Variants in CDH12 observed in about 807,000 individuals in gnomAD.
CDH12 encodes the protein cadherin-12.
A neutral mutation model predicts 74.1 loss-of-function variants in CDH12; 41 were observed. That is an observed-to-expected ratio of 0.55 (90% CI 0.43 to 0.72). The LOEUF (loss-of-function observed/expected upper bound fraction) is 0.72, where lower values mean the gene tolerates loss of function less well. CDH12 is among the 30% of genes least tolerant of loss of function. The pLI, the probability that CDH12 is intolerant of heterozygous loss-of-function variation, is 0.00. For missense variants in CDH12, 945 were observed against 977.2 expected (o/e 0.97, Z 0.44); for synonymous variants, 399 against 355.0 (o/e 1.12, Z -1.39).
chr5:22,006,059 T>A (rs1159797809), intron 5 of CDH12, among the ~76,000 whole-genome samples: 1 of 152,214 alleles, frequency 6.6e-6, no homozygotes, highest in African/African-American at 2.4e-5. Context: ...TTCTGAGGCA[T>A]CCCACTGACC....
At chr5:22,422,653 T>C (rs1055728141) in intron 2 of CDH12, among the ~76,000 whole-genome samples, 2 of 152,118 alleles carry the variant, frequency 1.3e-5, no homozygotes, top group South Asian at 2.1e-4. Flanking sequence ...GGCAAGCTTG[T>C]GATGGTGGGA....
intron 1 of CDH12, among the ~76,000 whole-genome samples, chr5:22,551,310 T>G (rs780871998): frequency 3.9e-5 from 6 of 152,180 alleles, no homozygotes; most frequent in Non-Finnish European, 5.9e-5. Flanking sequence ...GGTCTTAGAC[T>G]TTGAGTCTCC....
chr5:22,658,686 C>G (rs1307488059), intron 1 of CDH12, among the ~76,000 whole-genome samples: 1 of 152,010 alleles, frequency 6.6e-6, no homozygotes, highest in African/African-American at 2.4e-5. Context: ...AAGAAATAAC[C>G]ATCACGTTTC....
chr5:22,468,835 T>C lies in CDH12; in HGVS notation c.-428+36435A>G, dbSNP rs1245331206. On this transcript the variant is annotated intron_variant, in intron 2 of 14. Transcript: ENST00000382254. Reference sequence around the variant, plus strand: ...ATAGATACAGATATACACACTCCCATATCCTCTCAAAAGTGCTGAAGTGTT... The same window carrying C: ...ATAGATACAGATATACACACTCCCACATCCTCTCAAAAGTGCTGAAGTGTT... Among the ~76,000 whole-genome samples, 8 of 152,166 alleles carry C rather than the reference T, an allele frequency of 5.3e-5. No individual in the cohort carries two copies. In the South Asian group the frequency reaches 6.2e-4, roughly 12 times the overall value.
At chr5:22,058,818 CA>C (rs937199193) in intron 5 of CDH12, among the ~76,000 whole-genome samples, 5 of 150,836 alleles carry the variant, frequency 3.3e-5, no homozygotes, top group South Asian at 2.1e-4. Context: ...GGAAAATAAA[CA>C]AAAAAAAGGT....
At chr5:22,095,149 C>A (rs914531247) in intron 4 of CDH12, among the ~76,000 whole-genome samples, 2 of 152,128 alleles carry the variant, frequency 1.3e-5, no homozygotes, top group African/African-American at 4.8e-5. Flanking sequence ...AAAAGATCCA[C>A]CTACGACCTC....
intron 1 of CDH12, among the ~76,000 whole-genome samples, chr5:22,840,512 A>T (rs575738616): frequency 6.7e-6 from 1 of 149,906 alleles, no homozygotes; most frequent in Admixed American, 6.7e-5. Context: ...TATATTATAT[A>T]TTTATATAAA....
intron 1 of CDH12, among the ~76,000 whole-genome samples, chr5:22,801,776 T>G (rs916095773): frequency 3.3e-5 from 5 of 150,574 alleles, no homozygotes; most frequent in Admixed American, 1.3e-4. Context: ...GGCAACTTTG[T>G]TTCTGTCCTG....
At chr5:22,389,137 G>A (rs1479766391) in intron 3 of CDH12, among the ~76,000 whole-genome samples, 1 of 152,154 alleles carries the variant, frequency 6.6e-6, no homozygotes, top group Non-Finnish European at 1.5e-5. Flanking sequence ...GCATTCAAGA[G>A]TGATGTCTTC....
At chr5:22,285,067 TTATTTA>T (rs1441605052) in intron 3 of CDH12, among the ~76,000 whole-genome samples, 1 of 151,662 alleles carries the variant, frequency 6.6e-6, no homozygotes, top group Non-Finnish European at 1.5e-5. Flanking sequence ...GAGAAAGAAG[TTATTTA>T]TCTTACAAAT....
chr5:22,374,857 A>G lies in CDH12; in HGVS notation c.-333+30400T>C, dbSNP rs188143012. On this transcript the variant is annotated intron_variant, in intron 3 of 14. Transcript: ENST00000382254. The stretch of plus-strand genomic sequence containing the variant: ...CATGCTCATGAATTGAAAAAAAAAT[A>G]GTATTGTTAAAATGATAATCCTGCT... 2.4e-4 allele frequency among the ~76,000 whole-genome samples: 37 copies of G among 152,248 alleles called. No homozygotes were observed. In the East Asian group the frequency reaches 6.0e-3, roughly 25 times the overall value.
chr5:22,143,084 A>C (rs1395006808), intron 4 of CDH12: 1 of 155,496 alleles, frequency 6.4e-6, no homozygotes, highest in African/African-American at 2.4e-5. Flanking sequence ...TTTTCTGTGC[A>C]TTTAACTTTG....
At chr5:22,272,807 T>C (rs935307266) in intron 3 of CDH12, among the ~76,000 whole-genome samples, 3 of 152,186 alleles carry the variant, frequency 2.0e-5, no homozygotes, top group Non-Finnish European at 4.4e-5. Flanking sequence ...CGTCTGTTTT[T>C]ATGCTGCTAT....
chr5:22,543,145 T>C (rs1446934144), intron 1 of CDH12, among the ~76,000 whole-genome samples: 1 of 152,062 alleles, frequency 6.6e-6, no homozygotes, highest in East Asian at 1.9e-4. Context: ...CCACCTTAAA[T>C]GCCAAATGAG....
Position 21,983,243 on chromosome 5 carries a change from C to T in CDH12, c.232-7858G>A, listed in dbSNP as rs565073154. 1.2e-3 allele frequency among the ~76,000 whole-genome samples: 175 copies of T among 152,056 alleles called. 1 individual carries two copies. Among genetic ancestry groups the T allele is most frequent in the African/African-American group, 3.9e-3 (162 of 41,518 alleles). On this transcript the variant is annotated intron_variant, in intron 5 of 14. Transcript: ENST00000382254. ...CATATATAATTAATTTTCATGTGGG[C>T]ATATATTTCCAGATTGGAAATCATT...
chr5:21,881,413 T>C (rs1470402062), intron 6 of CDH12, among the ~76,000 whole-genome samples: 1 of 152,198 alleles, frequency 6.6e-6, no homozygotes, highest in East Asian at 1.9e-4. Context: ...ACGCGGGTTG[T>C]CTGGAGTCTT....
At chr5:21,768,859 A>G (rs1745168649) in intron 11 of CDH12, among the ~76,000 whole-genome samples, 1 of 152,062 alleles carries the variant, frequency 6.6e-6, no homozygotes, top group Admixed American at 6.6e-5. Context: ...TCTTATAAAC[A>G]TAAATACAAA....
At chr5:22,719,982 GT>G (rs1283758342) in intron 1 of CDH12, among the ~76,000 whole-genome samples, 2 of 151,934 alleles carry the variant, frequency 1.3e-5, no homozygotes, top group Admixed American at 6.6e-5. Context: ...TGCAATATGT[GT>G]TTGTCTTTTC....
At chr5:22,463,469 CA>C (rs1745599695) in intron 2 of CDH12, among the ~76,000 whole-genome samples, 1 of 151,876 alleles carries the variant, frequency 6.6e-6, no homozygotes, top group African/African-American at 2.4e-5. Flanking sequence ...TGCCTGGATT[CA>C]AAAAACACTG....
Sources: gnomAD v4.1 joint callset for allele counts (sites outside exome capture counted in the v4.1 genomes callset) on GRCh38, gnomAD v4.1.1 for gene constraint, MANE v1.5 for transcripts, NCBI Gene and HGNC (gene_info 2026-07-23, HGNC 2026-07-21) for gene names.